Variants in CNBD1 observed in about 807,000 individuals in gnomAD.
CNBD1 encodes the protein cyclic nucleotide binding domain containing 1.
A neutral mutation model predicts 54.4 loss-of-function variants in CNBD1; 71 were observed. The observed-to-expected ratio is 1.30, with a 90% CI of 1.08 to 1.59. CNBD1 has a LOEUF of 1.59. CNBD1 is among the 40% of genes most tolerant of loss of function. CNBD1 has a pLI of 0.00. For missense variants in CNBD1, 659 were observed against 518.0 expected (o/e 1.27, Z -2.64); for synonymous variants, 182 against 170.7 (o/e 1.07, Z -0.51).
At chr8:87,379,369 C>T (rs935178655) in intron 10 of CNBD1, among the ~76,000 whole-genome samples, 20 of 151,960 alleles carry the variant, frequency 1.3e-4, no homozygotes, top group Admixed American at 3.3e-4. Context: ...CTCAGCTCTG[C>T]ACCAAGCGGA....
intron 5 of CNBD1, among the ~76,000 whole-genome samples, chr8:87,209,520 A>G (rs909282544): frequency 1.3e-5 from 2 of 152,134 alleles, no homozygotes; most frequent in Non-Finnish European, 2.9e-5. Context: ...AGAAATTGAG[A>G]AAAATAGTAA....
intron 4 of CNBD1, among the ~76,000 whole-genome samples, chr8:86,947,046 A>G (rs1293496953): frequency 6.6e-6 from 1 of 152,140 alleles, no homozygotes; most frequent in East Asian, 1.9e-4. Flanking sequence ...AATATCTAGA[A>G]AATTTTGGCA....
At chr8:87,175,492 G>A (rs1018558154) in intron 4 of CNBD1, among the ~76,000 whole-genome samples, 7 of 152,120 alleles carry the variant, frequency 4.6e-5, no homozygotes, top group African/African-American at 9.7e-5. Flanking sequence ...CACTCCCTTC[G>A]AGGCAAGAAG....
intron 10 of CNBD1, among the ~76,000 whole-genome samples, chr8:87,377,333 C>T (rs1305501354): frequency 1.0e-4 from 15 of 147,054 alleles, no homozygotes; most frequent in East Asian, 2.0e-4. Flanking sequence ...CCCCAGAGTG[C>T]GATATTCCCC....
chr8:86,939,539 T>A, intron 3 of CNBD1, 57 bp from the exon 4 acceptor site: 1 of 1,235,824 alleles, frequency 8.1e-7, no homozygotes, highest in Non-Finnish European at 1.1e-6. Context: ...TAAAAGTCCC[T>A]GTAAATAATT....
intron 4 of CNBD1, among the ~76,000 whole-genome samples, chr8:87,091,883 C>T (rs935192705): frequency 6.6e-6 from 1 of 151,960 alleles, no homozygotes; most frequent in Non-Finnish European, 1.5e-5. Context: ...ACATGTGTGT[C>T]TATAAGTATA....
At position 87,036,129 on chromosome 8, in the gene CNBD1, G is replaced by A. The variant is rs567812622; in HGVS notation, c.431+96375G>A. ...GAGTGATTTTCCATTTTTATTTCTT[G>A]ATTTTGCAATTCTAGACATTTTCTA... is the stretch of plus-strand genomic sequence containing the variant. On this transcript the variant is annotated intron_variant, in intron 4 of 10. Coordinates refer to ENST00000518476, the MANE Select transcript of CNBD1 (RefSeq NM_173538.3). Among the ~76,000 whole-genome samples the A allele has an allele frequency of 4.2e-4, 64 of 152,198 alleles. 2 individuals are homozygous for A. The South Asian group carries it at 0.012, about 30-fold the overall frequency.
intron 10 of CNBD1, among the ~76,000 whole-genome samples, chr8:87,377,183 C>G (rs13248251): frequency 0.4 from 59,490 of 149,020 alleles, 12,103 homozygotes; most frequent in Middle Eastern, 0.45. Flanking sequence ...TTAAGTTTTA[C>G]GGTACATGTG....
chr8:87,411,593 G>A (rs1006936485), intron 2 of CNBD1, among the ~76,000 whole-genome samples: 1 of 150,064 alleles, frequency 6.7e-6, no homozygotes, highest in Non-Finnish European at 1.5e-5. Flanking sequence ...GAAGTTTTAT[G>A]TATATCCATT....
At chr8:86,954,853 C>A (rs1238399613) in intron 4 of CNBD1, among the ~76,000 whole-genome samples, 1 of 152,128 alleles carries the variant, frequency 6.6e-6, no homozygotes, top group Non-Finnish European at 1.5e-5. Context: ...TTTAATTATA[C>A]TTTAAGTTAT....
intron 4 of CNBD1, among the ~76,000 whole-genome samples, chr8:87,180,457 C>G (rs1813288719): frequency 6.6e-6 from 1 of 152,096 alleles, no homozygotes; most frequent in Non-Finnish European, 1.5e-5. Flanking sequence ...TTGGCATACT[C>G]CAGTTTTAAC....
At chr8:87,058,452 C>G (rs1014593837) in intron 4 of CNBD1, among the ~76,000 whole-genome samples, 1 of 152,204 alleles carries the variant, frequency 6.6e-6, no homozygotes, top group African/African-American at 2.4e-5. Context: ...CCTTTCTGCA[C>G]TGCCCCAGCA....
chr8:87,291,829 A>T (rs1808791991), intron 8 of CNBD1, among the ~76,000 whole-genome samples: 1 of 152,150 alleles, frequency 6.6e-6, no homozygotes, highest in Non-Finnish European at 1.5e-5. Context: ...CATAATTAAT[A>T]GCTTAAGGGT....
chr8:87,365,100 A>G (rs1230415587), intron 10 of CNBD1, among the ~76,000 whole-genome samples: 1 of 151,658 alleles, frequency 6.6e-6, no homozygotes, highest in East Asian at 1.9e-4. Context: ...CCTAATTTAC[A>G]CTCGCACCAA....
intron 4 of CNBD1, among the ~76,000 whole-genome samples, chr8:87,160,350 T>G (rs1047921586): frequency 6.6e-6 from 1 of 152,070 alleles, no homozygotes; most frequent in Non-Finnish European, 1.5e-5. Context: ...ACAATACATT[T>G]TTCTTTGGCT....
intron 10 of CNBD1, among the ~76,000 whole-genome samples, chr8:87,355,646 G>GA (rs1306567631): frequency 1.3e-5 from 2 of 152,126 alleles, no homozygotes; most frequent in Non-Finnish European, 2.9e-5. Context: ...TGGGAGTAAA[G>GA]GATGAAAGCA....
At chr8:87,396,199 T>C (rs914651477) in intron 2 of CNBD1, among the ~76,000 whole-genome samples, 4 of 151,982 alleles carry the variant, frequency 2.6e-5, no homozygotes, top group African/African-American at 9.7e-5. Context: ...ATCTCATTCC[T>C]TCCTTAGGAC....
At chr8:87,220,620 A>T (rs1402295081) in intron 5 of CNBD1, among the ~76,000 whole-genome samples, 1 of 151,588 alleles carries the variant, frequency 6.6e-6, no homozygotes, top group East Asian at 1.9e-4. Context: ...TCAGCTCAAC[A>T]TTCACATAAT....
chr8:87,115,770 T>C (rs1413681805), intron 4 of CNBD1, among the ~76,000 whole-genome samples: 2 of 152,208 alleles, frequency 1.3e-5, no homozygotes, highest in Admixed American at 6.5e-5. Flanking sequence ...ACCTCGTATC[T>C]CTCGTATCTC....
Sources: allele counts gnomAD v4.1 joint callset (sites outside exome capture counted in the v4.1 genomes callset), GRCh38; gene constraint gnomAD v4.1.1; transcripts MANE v1.5; gene names NCBI Gene and HGNC (gene_info 2026-07-23, HGNC 2026-07-21).